Variants in GNL3L observed in about 807,000 individuals in gnomAD.
GNL3L encodes G protein nucleolar 3 like, also known as guanine nucleotide-binding protein-like 3-like protein.
GNL3L carries 4 observed loss-of-function variants against 42.9 expected under a neutral mutation model. The ratio of observed to expected loss-of-function variants is 0.09; its 90% CI spans 0.05 to 0.21. GNL3L has a LOEUF of 0.21. Ranked by LOEUF, GNL3L falls within the 10% of genes least tolerant of loss-of-function variation. GNL3L has a pLI of 1.00. For missense variants in GNL3L, 412 were observed against 481.7 expected, an observed-to-expected ratio of 0.86 and a Z score of 1.36; for synonymous variants, 159 against 176.3, an observed-to-expected ratio of 0.90 and a Z score of 0.78.
rs1378856123 is a variant in GNL3L, at chrX:54,554,633, C to T, written c.1387C>T (p.Leu463Phe). Residue 463 changes from leucine (L) to phenylalanine (F), a missense_variant, in exon 14 of 16, where the codon CTC becomes TTC. Physicochemically the swap from Leu to Phe is conservative, Grantham distance 22 (BLOSUM62 0). Transcript: ENST00000360845. ...TDPLEMEIKL[L>F]HSPMTKIADA... ...CCCACTTGAAATGGAGATCAAGTTG[C>T]TCCATTCTCCGATGACGAAAATAGC... 1 of 1,198,927 alleles carries T rather than the reference C, an allele frequency of 8.3e-7. No individual in the cohort carries two copies. The highest frequency in any genetic ancestry group is 1.1e-6 in the Non-Finnish European group (1 of 885,558).
Position 54,562,218 on chromosome X carries a change from G to A in GNL3L, c.*1616G>A, listed in dbSNP as rs1056635314. 8.9e-6 allele frequency among the ~76,000 whole-genome samples: 1 copy of A among 111,897 alleles called. No homozygotes were observed. The highest frequency in any genetic ancestry group is 1.9e-5 in the Non-Finnish European group (1 of 53,157). Reference sequence around the variant, plus strand: ...CTGCCACCACGCCTGGCTAGTTTTTGTATTTTTAGTAGAGACGATGTTTCA... The same window carrying A: ...CTGCCACCACGCCTGGCTAGTTTTTATATTTTTAGTAGAGACGATGTTTCA... On this transcript the variant is annotated 3_prime_UTR_variant, in exon 16 of 16. Transcript: ENST00000360845.
chrX:54,538,504 A>G (rs923372836), intron 2 of GNL3L, among the ~76,000 whole-genome samples: 3 of 111,686 alleles, frequency 2.7e-5, no homozygotes, highest in Non-Finnish European at 5.6e-5. Context: ...TTGCTAAGTC[A>G]TGATTGGAGA....
chrX:54,549,594 G>A (rs1214653567), intron 9 of GNL3L, among the ~76,000 whole-genome samples: 2 of 112,479 alleles, frequency 1.8e-5, no homozygotes, highest in African/African-American at 6.5e-5. Context: ...AGGTACTCGG[G>A]AGGCCGAGGC....
rs1301821603 is a variant in GNL3L, at chrX:54,560,449, A to G, written c.1667-71A>G. On this transcript the variant is annotated intron_variant, in intron 15 of 15. Transcript: ENST00000360845. ...GCTTGGTGTAGACCAAGGTAGATGT[A>G]GGCCAGCGTCAGCAGGCCTCCTGGT... The G allele has an allele frequency of 1.1e-5, 7 of 640,706 alleles. No individual in the cohort carries two copies. In the East Asian group the frequency reaches 2.3e-4, roughly 21 times the overall value. 52.8% of individuals were successfully genotyped at this position (640,706 alleles called of 1,213,427 possible). A position where few individuals can be genotyped will look rare whatever the true frequency, so the allele number is the denominator to read the frequency against.
rs757581636 is a variant in GNL3L at position 54,554,684 on chromosome X, G to A, written c.1438G>A (p.Val480Met). The A allele has an allele frequency of 6.6e-6, 8 of 1,206,874 alleles. No homozygotes were observed. Among genetic ancestry groups the A allele is most frequent in the East Asian group, 3.0e-5 (1 of 33,782 alleles). The change falls in exon 14 of 16, where the codon GTG (valine) becomes ATG (methionine). Residue 480 changes from valine to methionine, a missense_variant. Physicochemically the swap from Val to Met is conservative, Grantham distance 21. Coordinates refer to ENST00000360845, the MANE Select transcript of GNL3L (RefSeq NM_001184819.2). ...IADAIENKTTVYKIGDLTGYC... is the reference protein window; with the variant it reads ...IADAIENKTTMYKIGDLTGYC... ...AGATGCCATTGAAAATAAAACCACC[G>A]TGTATAAGGTACCTGTCATCTTTGT...
chrX:54,580,140 C>T (rs1925693266), intron 16 of GNL3L, among the ~76,000 whole-genome samples: 1 of 59,462 alleles, frequency 1.7e-5, no homozygotes, highest in Non-Finnish European at 2.9e-5. Context: ...TAGTGCTATC[C>T]CTCCCCCCTC....
intron 16 of GNL3L, among the ~76,000 whole-genome samples, chrX:54,578,605 C>A (rs1020644149): frequency 8.9e-6 from 1 of 112,017 alleles, no homozygotes; most frequent in Non-Finnish European, 1.9e-5. Context: ...TAGCATAATG[C>A]GTTTGAGATT....
chrX:54,641,662 C>G, the GNL3L span, among the ~76,000 whole-genome samples: 1 of 111,981 alleles, frequency 8.9e-6, no homozygotes, highest in South Asian at 3.7e-4. Context: ...GCACCTGATC[C>G]AAGGCCAGCC....
At chrX:54,638,115 C>T in the GNL3L span, among the ~76,000 whole-genome samples, 618 of 111,518 alleles carry the variant, frequency 5.5e-3, 8 homozygotes, top group African/African-American at 0.019. Flanking sequence ...GTCCTTCTTC[C>T]GCAATATTTT....
chrX:54,616,649 G>A (rs1004541191), intron 16 of GNL3L, among the ~76,000 whole-genome samples: 2 of 111,692 alleles, frequency 1.8e-5, no homozygotes, highest in Non-Finnish European at 3.8e-5. Context: ...TAATAAACTG[G>A]ATGACTTGTT....
downstream of GNL3L, among the ~76,000 whole-genome samples, chrX:54,570,450 T>A (rs1189699737): frequency 8.9e-6 from 1 of 112,106 alleles, no homozygotes; most frequent in East Asian, 2.8e-4. Context: ...TTAAAGTGCA[T>A]TTATCATAGG....
chrX:54,583,892 C>T (rs758982516), intron 16 of GNL3L, among the ~76,000 whole-genome samples: 12 of 110,776 alleles, frequency 1.1e-4, no homozygotes, highest in Non-Finnish European at 1.7e-4. Flanking sequence ...ATCTGCCTGC[C>T]TCAGTCTCCC....
At chrX:54,645,666 A>G in the GNL3L span, among the ~76,000 whole-genome samples, 310 of 112,079 alleles carry the variant, frequency 2.8e-3, no homozygotes, top group African/African-American at 9.5e-3. Flanking sequence ...TTCGGAGTCC[A>G]TGCATTTCCC....
At chrX:54,642,681 ACCAC>A in the GNL3L span, among the ~76,000 whole-genome samples, 1 of 111,178 alleles carries the variant, frequency 9.0e-6, no homozygotes, top group Middle Eastern at 4.7e-3. Flanking sequence ...ACTTTGCCAA[ACCAC>A]GCAGTATGAA....
intron 16 of GNL3L, among the ~76,000 whole-genome samples, chrX:54,592,981 A>G (rs1925888636): frequency 9.0e-6 from 1 of 111,563 alleles, no homozygotes; most frequent in African/African-American, 3.3e-5. Flanking sequence ...TCACTTGGTC[A>G]TGATGAATGA....
chrX:54,543,234 G>C lies in GNL3L; in HGVS notation c.418G>C (p.Glu140Gln). ...GGTGGAATACTCTGATGTGATTCTG[G>C]AAGTCCTGGATGCCAGAGACCCATT... ...KVVEYSDVIL[E>Q]VLDARDPLGC... is the part of the protein sequence containing the mutation. Residue 140 changes from glutamate (E) to glutamine (Q), a missense_variant, in exon 7 of 16, where the codon GAA becomes CAA. Physicochemically the swap from Glu to Gln is conservative, Grantham distance 29. Coordinates refer to ENST00000360845, the MANE Select transcript of GNL3L (RefSeq NM_001184819.2). The C allele has an allele frequency of 8.3e-7, 1 of 1,209,603 alleles. No homozygotes were observed. The highest frequency in any genetic ancestry group is 1.1e-6 in the Non-Finnish European group (1 of 894,079).
In GNL3L at chrX:54,562,235, G is replaced by A. The variant is rs1045651056; in HGVS notation, c.*1633G>A. 1.8e-5 allele frequency among the ~76,000 whole-genome samples: 2 copies of A among 111,806 alleles called. No homozygotes were observed. The highest frequency in any genetic ancestry group is 3.8e-5 in the Non-Finnish European group (2 of 53,129). On this transcript the variant is annotated 3_prime_UTR_variant, in exon 16 of 16. Coordinates refer to ENST00000360845, the MANE Select transcript of GNL3L (RefSeq NM_001184819.2). The stretch of plus-strand genomic sequence containing the variant: ...TAGTTTTTGTATTTTTAGTAGAGAC[G>A]ATGTTTCACCATGTTGACCAGGCTG...
rs58576849 is a variant in GNL3L, at chrX:54,550,205, C to CGAGAGAGA, written c.776-735_776-728dup. 8.0e-4 allele frequency among the ~76,000 whole-genome samples: 73 copies of CGAGAGAGA among 91,163 alleles called. 1 individual carries two copies. Among genetic ancestry groups the CGAGAGAGA allele is most frequent in the Admixed American group, 2.0e-3 (16 of 8,040 alleles). The allele number at this position is 91,163 out of a possible 115,157, so 79.2% of individuals were successfully genotyped here. A position where few individuals can be genotyped will look rare whatever the true frequency, so the allele number is the denominator to read the frequency against. ...TGGTGATACTGAGAATGGGAATGAC[C>CGAGAGAGA]GAGAGAGAGAGAGAGAGAGAGAGAG... On this transcript the variant is annotated intron_variant, in intron 9 of 15. Transcript: ENST00000360845.
chrX:54,572,529 C>T (rs1382438662), intron 16 of GNL3L, among the ~76,000 whole-genome samples: 3 of 112,161 alleles, frequency 2.7e-5, no homozygotes, highest in Non-Finnish European at 5.7e-5. Flanking sequence ...GGCACACCTC[C>T]CAGACGGGGT....
Sources: gnomAD v4.1 joint callset for allele counts (sites outside exome capture counted in the v4.1 genomes callset) on GRCh38, gnomAD v4.1.1 for gene constraint, MANE v1.5 for transcripts, NCBI Gene and HGNC (gene_info 2026-07-23, HGNC 2026-07-21) for gene names.